The following TOPAZ1 variants were observed in gnomAD, a reference collection of about 807,000 sequenced individuals.
TOPAZ1 encodes protein TOPAZ1.
TOPAZ1 carries 66 observed loss-of-function variants against 172.2 expected under a neutral mutation model. The ratio of observed to expected loss-of-function variants is 0.38; its 90% CI spans 0.31 to 0.47. The LOEUF is 0.47. TOPAZ1 is among the 20% of genes least tolerant of loss of function. The pLI is 0.99. For missense variants in TOPAZ1, 1,822 were observed against 1,972.4 expected, an observed-to-expected ratio of 0.92 and a Z score of 1.44; for synonymous variants, 681 against 683.9, an observed-to-expected ratio of 1.00 and a Z score of 0.07.
intron 12 of TOPAZ1, among the ~76,000 whole-genome samples, chr3:44,291,325 A>G (rs558599755): frequency 1.3e-5 from 2 of 149,938 alleles, no homozygotes; most frequent in Admixed American, 6.6e-5. Flanking sequence ...AAAAAAAGCC[A>G]GGCGCCGTGG....
At position 44,311,679 on chromosome 3, in the gene TOPAZ1, C is replaced by T. The variant is rs545669746; in HGVS notation, c.4306+1689C>T. On this transcript the variant is annotated intron_variant, in intron 16 of 19. Transcript: ENST00000309765. ...TTTATCTCTACAAAAGAAGAGGCCA[C>T]AGAAGTATGCTCAGTTGTTCCTAGA... is the stretch of plus-strand genomic sequence containing the variant. Among the ~76,000 whole-genome samples the T allele has an allele frequency of 8.5e-5, 13 of 152,228 alleles. No homozygotes were observed. The South Asian group carries it at 2.7e-3, about 32-fold the overall frequency.
chr3:44,310,654 A>T (rs537850864), intron 16 of TOPAZ1, among the ~76,000 whole-genome samples: 7 of 152,342 alleles, frequency 4.6e-5, no homozygotes, highest in African/African-American at 1.4e-4. Context: ...GATATTAACC[A>T]ACTTGCCCAA....
chr3:44,269,148 A>T, intron 6 of TOPAZ1, 68 bp from the exon 7 acceptor site: 1 of 872,352 alleles, frequency 1.1e-6, no homozygotes, highest in Non-Finnish European at 1.9e-6. Context: ...GTGATCATCT[A>T]TTTCATTGTT....
intron 12 of TOPAZ1, among the ~76,000 whole-genome samples, chr3:44,297,739 G>A (rs1389820477): frequency 1.6e-5 from 2 of 122,072 alleles, no homozygotes; most frequent in East Asian, 3.9e-4. Flanking sequence ...GCCAAGGAAT[G>A]TACCAAAATT....
In TOPAZ1 at chr3:44,269,294, A is replaced by T; in HGVS notation, c.3239A>T (p.Asn1080Ile). Residue 1080 changes from asparagine (N) to isoleucine (I), a missense_variant, in exon 7 of 20, where the codon AAT (asparagine) becomes ATT (isoleucine). By Grantham distance (149) the Asn-to-Ile change is moderately radical. Transcript: ENST00000309765. ...ETCEIFKREK[N>I]VGVFQKSLGL... ...TGTGAAATATTCAAGAGGGAAAAAA[A>T]TGTGGGGGTAAGTCTACTTTAAAAA... The T allele has an allele frequency of 6.5e-7, 1 of 1,536,712 alleles. No individual in the cohort carries two copies. Among genetic ancestry groups the T allele is most frequent in the South Asian group, 1.2e-5 (1 of 83,700 alleles).
At chr3:44,334,603 G>C (rs750309166), downstream of TOPAZ1, among the ~76,000 whole-genome samples, 1 of 152,094 alleles carries the variant, frequency 6.6e-6, no homozygotes, top group Non-Finnish European at 1.5e-5. Context: ...AAGAGGCAGG[G>C]ACCAAATATT....
intron 15 of TOPAZ1, among the ~76,000 whole-genome samples, chr3:44,306,773 C>T (rs1220479511): frequency 6.6e-6 from 1 of 151,944 alleles, no homozygotes; most frequent in Non-Finnish European, 1.5e-5. Context: ...CCATTTATGC[C>T]AGAGATTGCA....
At chr3:44,300,735 C>T (rs1220970092) in intron 12 of TOPAZ1, among the ~76,000 whole-genome samples, 3 of 151,934 alleles carry the variant, frequency 2.0e-5, no homozygotes, top group Non-Finnish European at 4.4e-5. Flanking sequence ...ACATGCACAT[C>T]CCAAAGGCAG....
chr3:44,312,580 A>G (rs1240116131), intron 16 of TOPAZ1, among the ~76,000 whole-genome samples: 1 of 152,190 alleles, frequency 6.6e-6, no homozygotes, highest in Non-Finnish European at 1.5e-5. Flanking sequence ...TGATGGCGAG[A>G]ACAAATCTAT....
At chr3:44,319,044 G>T (rs1431458906) in intron 16 of TOPAZ1, among the ~76,000 whole-genome samples, 7 of 151,884 alleles carry the variant, frequency 4.6e-5, no homozygotes, top group African/African-American at 1.7e-4. Context: ...CAACCTGGAT[G>T]TGCCACCAGG....
At chr3:44,277,068 G>A (rs112644893) in intron 8 of TOPAZ1, among the ~76,000 whole-genome samples, 23,691 of 152,016 alleles carry the variant, frequency 0.16, 2,433 homozygotes, top group African/African-American at 0.29. Context: ...TGGGATTACA[G>A]GCATGAGCCA....
At chr3:44,251,463 A>G (rs1488626) in intron 2 of TOPAZ1, among the ~76,000 whole-genome samples, 27,577 of 152,168 alleles carry the variant, frequency 0.18, 2,756 homozygotes, top group Middle Eastern at 0.3. Flanking sequence ...ACAGTTTCTG[A>G]TAGTAATTAT....
At chr3:44,260,484 A>G (rs924206580) in intron 4 of TOPAZ1, among the ~76,000 whole-genome samples, 2 of 152,082 alleles carry the variant, frequency 1.3e-5, no homozygotes, top group African/African-American at 4.8e-5. Flanking sequence ...CCCCATCTCA[A>G]CATTTAAAAT....
At chr3:44,296,460 C>T (rs1388502535) in intron 12 of TOPAZ1, among the ~76,000 whole-genome samples, 1 of 150,178 alleles carries the variant, frequency 6.7e-6, no homozygotes, top group Non-Finnish European at 1.5e-5. Context: ...ATTATCGATA[C>T]CAGGAATGAG....
Position 44,245,065 on chromosome 3 carries a change from T to C in TOPAZ1, c.2559T>C (p.Ile853=). The C allele has an allele frequency of 6.4e-7, 1 of 1,551,682 alleles. No homozygotes were observed. The highest frequency in any genetic ancestry group is 8.7e-7 in the Non-Finnish European group (1 of 1,146,994). ...TTTCAGAGGTAGGGTTTCCAGATAT[T>C]CTTAAAGCATATGAAGATGACGTCC... ...KNFSEVGFPD[I]LKAYEDDVLL... Residue 853 remains isoleucine, a synonymous_variant, in exon 2 of 20, where the codon ATT becomes ATC. Coordinates refer to ENST00000309765, the MANE Select transcript of TOPAZ1 (RefSeq NM_001145030.2).
intron 12 of TOPAZ1, among the ~76,000 whole-genome samples, chr3:44,302,486 A>G (rs1336459073): frequency 6.6e-6 from 1 of 152,148 alleles, no homozygotes; most frequent in Non-Finnish European, 1.5e-5. Context: ...CGTATACTAA[A>G]TTTCATATAC....
At chr3:44,261,209 G>A (rs540217953) in intron 4 of TOPAZ1, among the ~76,000 whole-genome samples, 17 of 151,832 alleles carry the variant, frequency 1.1e-4, no homozygotes, top group East Asian at 1.9e-4. Flanking sequence ...GTAGGTCCTC[G>A]GTTTGTTATG....
chr3:44,249,540 A>G (rs1482539392), intron 2 of TOPAZ1, among the ~76,000 whole-genome samples: 1 of 152,166 alleles, frequency 6.6e-6, no homozygotes, highest in Non-Finnish European at 1.5e-5. Flanking sequence ...TCCCTTATGC[A>G]TTCCCATAGC....
intron 18 of TOPAZ1, among the ~76,000 whole-genome samples, chr3:44,326,541 C>CAT (rs1412491063): frequency 6.6e-6 from 1 of 152,116 alleles, no homozygotes; most frequent in African/African-American, 2.4e-5. Context: ...TACACATGTA[C>CAT]ATATGCATTT....
Sources: allele counts gnomAD v4.1 joint callset (sites outside exome capture counted in the v4.1 genomes callset), GRCh38; gene constraint gnomAD v4.1.1; transcripts MANE v1.5; gene names NCBI Gene and HGNC (gene_info 2026-07-23, HGNC 2026-07-21).